The following SDCCAG8 variants were observed in gnomAD, a reference collection of about 807,000 sequenced individuals.
SDCCAG8 encodes SHH signaling and ciliogenesis regulator SDCCAG8.
Under a neutral mutation model 101.8 loss-of-function variants are expected in SDCCAG8, and 74 were observed. The ratio of observed to expected loss-of-function variants is 0.73; its 90% CI spans 0.60 to 0.88. The LOEUF (loss-of-function observed/expected upper bound fraction) is 0.88, where lower values mean the gene tolerates loss of function less well. Among genes scored for constraint, SDCCAG8 ranks in the 40% least tolerant of loss-of-function variants. The pLI is 0.00. For missense variants in SDCCAG8, 787 were observed against 822.6 expected (o/e 0.96, Z 0.53); for synonymous variants, 281 against 292.9 (o/e 0.96, Z 0.41).
At chr1:243,314,244 T>C (rs2073034069) in intron 8 of SDCCAG8, among the ~76,000 whole-genome samples, 1 of 152,156 alleles carries the variant, frequency 6.6e-6, no homozygotes, top group Non-Finnish European at 1.5e-5. Flanking sequence ...AGCCCAGTGG[T>C]TACGTGGAGT....
rs2149296063 is a variant in SDCCAG8 at position 243,293,410 on chromosome 1, C to A, written c.675+191C>A. On this transcript the variant is annotated intron_variant, in intron 6 of 17. Coordinates refer to ENST00000366541, the MANE Select transcript of SDCCAG8 (RefSeq NM_006642.5). ...TTATCCATTTTCAGAACTTTTTGATCATCTCAAACAAAAAGTCTGGACGTA... is the reference window on the plus strand; with the variant it reads ...TTATCCATTTTCAGAACTTTTTGATAATCTCAAACAAAAAGTCTGGACGTA... The A allele has an allele frequency of 1.4e-6, 1 of 725,324 alleles. No individual in the cohort carries two copies. The highest frequency in any genetic ancestry group is 2.4e-6 in the Non-Finnish European group (1 of 411,832). The allele number at this position is 725,324 out of a possible 1,614,324, so 44.9% of individuals were successfully genotyped here.
intron 1 of SDCCAG8, among the ~76,000 whole-genome samples, chr1:243,258,289 T>C (rs570183267): frequency 2.2e-4 from 33 of 152,350 alleles, no homozygotes; most frequent in Non-Finnish European, 4.1e-4. Flanking sequence ...TAGTAGCACT[T>C]TTATTTTTGT....
intron 12 of SDCCAG8, among the ~76,000 whole-genome samples, chr1:243,377,974 G>C (rs1485338376): frequency 2.0e-5 from 3 of 150,716 alleles, no homozygotes; most frequent in African/African-American, 7.3e-5. Context: ...GCCTATATAA[G>C]ATATTTTTGC....
chr1:243,383,072 A>G (rs1288276115), intron 13 of SDCCAG8, among the ~76,000 whole-genome samples: 1 of 152,214 alleles, frequency 6.6e-6, no homozygotes, highest in African/African-American at 2.4e-5. Flanking sequence ...TATTCATTGT[A>G]GCTAAGGGAG....
In SDCCAG8 at chr1:243,489,045, A is replaced by C; in HGVS notation, c.2017A>C (p.Thr673Pro). 6.2e-7 allele frequency: 1 copy of C among 1,613,448 alleles called. No individual in the cohort carries two copies. The highest frequency in any genetic ancestry group is 1.1e-5 in the South Asian group (1 of 91,076). The change falls in exon 17 of 18, where the codon ACA (threonine) becomes CCA (proline). Residue 673 changes from threonine (T) to proline (P), a missense_variant. Coordinates refer to ENST00000366541, the MANE Select transcript of SDCCAG8 (RefSeq NM_006642.5). ...LRQLDKHSQA[T>P]AQQLVQLLSK... The stretch of plus-strand genomic sequence containing the variant: ...GCAGCTGGATAAGCACAGCCAGGCC[A>C]CAGCCCAGCAGCTGGTGCAGCTCCT...
At chr1:243,257,921 CTTATT>C (rs1163343510) in intron 1 of SDCCAG8, among the ~76,000 whole-genome samples, 3 of 152,000 alleles carry the variant, frequency 2.0e-5, no homozygotes, top group African/African-American at 7.3e-5. Context: ...TTCCTTTGAC[CTTATT>C]TTAAGTCTTT....
intron 16 of SDCCAG8, among the ~76,000 whole-genome samples, chr1:243,467,401 A>G (rs942580939): frequency 6.6e-6 from 1 of 152,202 alleles, no homozygotes; most frequent in Non-Finnish European, 1.5e-5. Flanking sequence ...TGAGGGAGTG[A>G]ACAGAATGGT....
rs530127827 is a variant in SDCCAG8, at chr1:243,341,068, A to G, written c.1251A>G (p.Gln417=). The G allele has an allele frequency of 1.9e-6, 3 of 1,613,588 alleles. 1 individual carries two copies. The South Asian group carries it at 3.3e-5, about 18-fold the overall frequency. Reference sequence around the variant, plus strand: ...TGATCTTGTCTCAGAATATTGCCCAACTGGAGGCCCAGGTGGAAAAGGTTA... The same window carrying G: ...TGATCTTGTCTCAGAATATTGCCCAGCTGGAGGCCCAGGTGGAAAAGGTTA... ...KMLILSQNIA[Q]LEAQVEKVTK... The change falls in exon 11 of 18, where the codon CAA becomes CAG. Residue 417 remains glutamine, a synonymous_variant. Coordinates refer to ENST00000366541, the MANE Select transcript of SDCCAG8 (RefSeq NM_006642.5).
At chr1:243,389,061 A>G (rs2147937730) in intron 13 of SDCCAG8, among the ~76,000 whole-genome samples, 1 of 150,994 alleles carries the variant, frequency 6.6e-6, no homozygotes, top group South Asian at 2.1e-4. Flanking sequence ...ACTTGGGAAG[A>G]CTGCTTGAGC....
chr1:243,492,295 CTT>C (rs33950392), intron 17 of SDCCAG8, among the ~76,000 whole-genome samples: 2 of 63,128 alleles, frequency 3.2e-5, no homozygotes, highest in African/African-American at 6.6e-5. Context: ...CGTTTCTTGG[CTT>C]TTTTTTTTTT....
At chr1:243,345,629 G>A (rs1226836111) in intron 12 of SDCCAG8, among the ~76,000 whole-genome samples, 1 of 152,102 alleles carries the variant, frequency 6.6e-6, no homozygotes, top group South Asian at 2.1e-4. Flanking sequence ...TTATTCTACA[G>A]CATTCTGACA....
chr1:243,414,843 ATATG>A (rs1259812717), intron 13 of SDCCAG8, among the ~76,000 whole-genome samples: 1 of 92,118 alleles, frequency 1.1e-5, no homozygotes. Context: ...AACCATTCTA[ATATG>A]TGTGTGTGTG....
intron 16 of SDCCAG8, among the ~76,000 whole-genome samples, chr1:243,445,655 C>T (rs1240867642): frequency 1.3e-5 from 2 of 149,858 alleles, no homozygotes; most frequent in Non-Finnish European, 3.0e-5. Flanking sequence ...ATAAACAACA[C>T]CCAAAATACA....
Position 243,286,336 on chromosome 1 carries a change from A to T in SDCCAG8, c.485A>T (p.Gln162Leu), listed in dbSNP as rs1369558546. The T allele has an allele frequency of 6.2e-7, 1 of 1,614,070 alleles. No homozygotes were observed. The highest frequency in any genetic ancestry group is 1.1e-5 in the South Asian group (1 of 91,084). Residue 162 changes from glutamine (Q) to leucine (L), a missense_variant, in exon 5 of 18, where the codon CAA (glutamine) becomes CTA (leucine). Transcript: ENST00000366541. Reference protein sequence around the residue: ...VVVLENEGLQQQLKSQRQEET... With the variant: ...VVVLENEGLQLQLKSQRQEET... ...GTGCTTGAAAACGAAGGGCTCCAGC[A>T]ACAGCTAAAATCTCAAAGACAAGAG... is the stretch of plus-strand genomic sequence containing the variant.
At chr1:243,293,443 A>G (rs2070471487) in intron 6 of SDCCAG8, 1 of 662,106 alleles carries the variant, frequency 1.5e-6, no homozygotes, top group Admixed American at 2.1e-5. Context: ...GTATTAAACA[A>G]TATCTCCATT....
At chr1:243,485,832 C>A (rs1301443700) in intron 16 of SDCCAG8, among the ~76,000 whole-genome samples, 1 of 151,442 alleles carries the variant, frequency 6.6e-6, no homozygotes, top group Non-Finnish European at 1.5e-5. Context: ...GCGGAGGTTG[C>A]AGTGAGCTGA....
intron 1 of SDCCAG8, chr1:243,268,157 C>T: frequency 4.9e-6 from 3 of 611,714 alleles, no homozygotes; most frequent in Non-Finnish European, 5.9e-6. Flanking sequence ...TAATCACCAA[C>T]GGTGCAATGC....
chr1:243,478,974 AAAAG>A (rs1662971210), intron 16 of SDCCAG8, among the ~76,000 whole-genome samples: 1 of 151,644 alleles, frequency 6.6e-6, no homozygotes, highest in African/African-American at 2.4e-5. Flanking sequence ...AAAAAAAAAA[AAAAG>A]AAAGTGCCTT....
rs543791436 is a variant in SDCCAG8 at position 243,484,099 on chromosome 1, G to A, written c.1986-4915G>A. Among the ~76,000 whole-genome samples, 3 of 152,164 alleles carry A rather than the reference G, an allele frequency of 2.0e-5. No homozygotes were observed. The East Asian group carries it at 5.8e-4, about 29-fold the overall frequency. On this transcript the variant is annotated intron_variant, in intron 16 of 17. Coordinates refer to ENST00000366541, the MANE Select transcript of SDCCAG8 (RefSeq NM_006642.5). Reference sequence around the variant, plus strand: ...CGTGTTCCACAGGTACCTCGGACTCGCCCTGACCCCAGAACGTCTCTTCTA... The same window carrying A: ...CGTGTTCCACAGGTACCTCGGACTCACCCTGACCCCAGAACGTCTCTTCTA...
Sources: allele counts gnomAD v4.1 joint callset (sites outside exome capture counted in the v4.1 genomes callset), GRCh38; gene constraint gnomAD v4.1.1; transcripts MANE v1.5; gene names NCBI Gene and HGNC (gene_info 2026-07-23, HGNC 2026-07-21).